The following TYW1B variants were observed in gnomAD, a reference collection of about 807,000 sequenced individuals.
The protein encoded by TYW1B is S-adenosyl-L-methionine-dependent tRNA 4-demethylwyosine synthase TYW1B.
A neutral mutation model predicts 86.9 loss-of-function variants in TYW1B; 73 were observed. The observed-to-expected ratio is 0.84, with a 90% CI of 0.70 to 1.02. The LOEUF (loss-of-function observed/expected upper bound fraction) is 1.02. Ranked by LOEUF, TYW1B falls within the 50% of genes least tolerant of loss-of-function variation. TYW1B has a pLI of 0.00. For synonymous variants in TYW1B, 248 were observed against 292.8 expected (o/e 0.85, Z 1.56); for missense variants, 637 against 827.4 (o/e 0.77, Z 2.82).
At chr7:72,751,827 T>C (rs908553590) in intron 7 of TYW1B, among the ~76,000 whole-genome samples, 9 of 152,232 alleles carry the variant, frequency 5.9e-5, no homozygotes, top group Non-Finnish European at 7.3e-5. Context: ...CTATGTGCTA[T>C]GGTTCCAATG....
chr7:72,734,760 C>T (rs1787170704), intron 8 of TYW1B, among the ~76,000 whole-genome samples: 1 of 151,980 alleles, frequency 6.6e-6, no homozygotes, highest in South Asian at 2.1e-4. Flanking sequence ...AACCCAACAG[C>T]AAAAAAACCC....
intron 13 of TYW1B, among the ~76,000 whole-genome samples, chr7:72,594,139 G>T (rs1554432179): frequency 6.6e-6 from 1 of 151,530 alleles, no homozygotes; most frequent in East Asian, 1.9e-4. Context: ...CCAAAAGCTA[G>T]CAGAAGGAAA....
intron 13 of TYW1B, among the ~76,000 whole-genome samples, chr7:72,591,101 T>C (rs1172637455): frequency 6.6e-6 from 1 of 151,434 alleles, no homozygotes; most frequent in Non-Finnish European, 1.5e-5. Context: ...GCAGAAGGAT[T>C]AGTGAACCTG....
At chr7:72,643,101 T>C (rs1159817523) in intron 11 of TYW1B, among the ~76,000 whole-genome samples, 1 of 152,136 alleles carries the variant, frequency 6.6e-6, no homozygotes, top group African/African-American at 2.4e-5. Context: ...TATTTCTTAA[T>C]TTTAAAATGG....
At chr7:72,695,891 C>T (rs1411272575) in intron 10 of TYW1B, among the ~76,000 whole-genome samples, 3 of 151,502 alleles carry the variant, frequency 2.0e-5, no homozygotes, top group African/African-American at 4.9e-5. Context: ...CCACTGCACC[C>T]GACCCTACTA....
intron 6 of TYW1B, among the ~76,000 whole-genome samples, chr7:72,780,882 T>C (rs56390603): frequency 0.78 from 118,826 of 151,640 alleles, 46,761 homozygotes; most frequent in Non-Finnish European, 0.8. Context: ...CTGCTAGGTG[T>C]AGACATTGTT....
chr7:72,821,924 G>A (rs7787522), intron 2 of TYW1B, among the ~76,000 whole-genome samples: 3,672 of 152,104 alleles, frequency 0.024, 170 homozygotes, highest in African/African-American at 0.085. Context: ...ATGAAAGTCT[G>A]GAGTTGAGAG....
intron 11 of TYW1B, among the ~76,000 whole-genome samples, chr7:72,669,656 G>C (rs1813548315): frequency 6.6e-6 from 1 of 152,092 alleles, no homozygotes; most frequent in South Asian, 2.1e-4. Flanking sequence ...TGTAGTCCCA[G>C]CTACTTGGGA....
At chr7:72,706,814 T>C (rs1814626632) in intron 10 of TYW1B, among the ~76,000 whole-genome samples, 1 of 152,120 alleles carries the variant, frequency 6.6e-6, no homozygotes, top group Admixed American at 6.6e-5. Context: ...AAGTCAAAAG[T>C]CCAGATTTTA....
chr7:72,827,398 G>C (rs1360963827), intron 1 of TYW1B, among the ~76,000 whole-genome samples: 1 of 151,918 alleles, frequency 6.6e-6, no homozygotes, highest in East Asian at 1.9e-4. Context: ...ACAGAGCAAG[G>C]CTCCATCTCG....
chr7:72,605,595 GC>G (rs1446907767), intron 13 of TYW1B, among the ~76,000 whole-genome samples: 1 of 151,870 alleles, frequency 6.6e-6, no homozygotes, highest in Non-Finnish European at 1.5e-5. Context: ...CTCATGATCC[GC>G]CCACTTCGGC....
Position 72,711,473 on chromosome 7 carries a change from CTTTTTTTTTTTT to C in TYW1B, c.1370+2136_1370+2147del, listed in dbSNP as rs59438928. Among the ~76,000 whole-genome samples, 18 of 56,966 alleles carry C rather than the reference CTTTTTTTTTTTT, an allele frequency of 3.2e-4. 1 individual carries two copies. The Admixed American group carries it at 3.7e-3, about 12-fold the overall frequency. The allele number at this position is 56,966 out of a possible 152,430, so 37.4% of individuals were successfully genotyped here. ...CTTCGTGTTTCTCTCCTCTTTAATT[CTTTTTTTTTTTT>C]TTTTTTTTTTTTTTTGCTCTGTAGC... is the stretch of plus-strand genomic sequence containing the variant. On this transcript the variant is annotated intron_variant, in intron 10 of 13. Transcript: ENST00000620995.
chr7:72,776,556 CAAAAAAA>C (rs67553013), intron 7 of TYW1B, among the ~76,000 whole-genome samples: 13 of 45,246 alleles, frequency 2.9e-4, no homozygotes, highest in African/African-American at 4.7e-4. Flanking sequence ...GACTCTGTCT[CAAAAAAA>C]AAAAAAAAAA....
At chr7:72,733,463 T>C (rs571850900) in intron 8 of TYW1B, among the ~76,000 whole-genome samples, 1 of 151,972 alleles carries the variant, frequency 6.6e-6, no homozygotes, top group South Asian at 2.1e-4. Flanking sequence ...ATCAAGACCA[T>C]CCTGGCTAAT....
chr7:72,690,001 C>T (rs1814103364), intron 11 of TYW1B, among the ~76,000 whole-genome samples: 1 of 152,130 alleles, frequency 6.6e-6, no homozygotes, highest in South Asian at 2.1e-4. Flanking sequence ...AATGGAACAA[C>T]CATTATTCAA....
intron 2 of TYW1B, among the ~76,000 whole-genome samples, chr7:72,817,270 G>C (rs782563682): frequency 1.3e-5 from 2 of 152,064 alleles, no homozygotes; most frequent in Non-Finnish European, 2.9e-5. Context: ...CGGGAGTGGT[G>C]GTGGGCACCT....
chr7:72,607,029 T>C (rs1482646941), intron 13 of TYW1B, among the ~76,000 whole-genome samples: 10 of 152,142 alleles, frequency 6.6e-5, no homozygotes, highest in South Asian at 2.1e-4. Context: ...GTGGTATGTG[T>C]GTTGGAATTA....
chr7:72,699,312 G>A (rs1814400442), intron 10 of TYW1B, among the ~76,000 whole-genome samples: 1 of 152,160 alleles, frequency 6.6e-6, no homozygotes, highest in Non-Finnish European at 1.5e-5. Flanking sequence ...CTCTAACATG[G>A]CAAATGGAAT....
At chr7:72,586,085 T>A (rs782251291) in intron 13 of TYW1B, among the ~76,000 whole-genome samples, 1 of 152,200 alleles carries the variant, frequency 6.6e-6, no homozygotes, top group East Asian at 1.9e-4. Context: ...AAAGCTGTTA[T>A]ATTCATGTAT....
Sources: allele counts gnomAD v4.1 joint callset (sites outside exome capture counted in the v4.1 genomes callset), GRCh38; gene constraint gnomAD v4.1.1; transcripts MANE v1.5; gene names NCBI Gene and HGNC (gene_info 2026-07-23, HGNC 2026-07-21).